The following ENPP7 variants were observed in gnomAD, a reference collection of about 807,000 sequenced individuals.
ENPP7 encodes ectonucleotide pyrophosphatase/phosphodiesterase 7, also known as ectonucleotide pyrophosphatase/phosphodiesterase family member 7.
A neutral mutation model predicts 33.6 loss-of-function variants in ENPP7; 39 were observed. That is an observed-to-expected ratio of 1.16 (90% CI 0.90 to 1.52). ENPP7 has a LOEUF of 1.52. Among genes scored for constraint, ENPP7 ranks in the 40% most tolerant of loss-of-function variants. The probability of loss-of-function intolerance (pLI) is 0.00; values close to 1 mark genes in which losing one functional copy is unlikely to be tolerated. For synonymous variants in ENPP7, 244 were observed against 274.3 expected (o/e 0.89, Z 1.09); for missense variants, 594 against 641.0 (o/e 0.93, Z 0.79).
At chr17:79,732,720 G>A (rs1555822800) in intron 1 of ENPP7, among the ~76,000 whole-genome samples, 3 of 152,096 alleles carry the variant, frequency 2.0e-5, no homozygotes, top group Non-Finnish European at 2.9e-5. Flanking sequence ...GCTGAATTTC[G>A]GGTCCACACT....
Position 79,737,332 on chromosome 17 carries a change from C to A in ENPP7, c.1246+72C>A. On this transcript the variant is annotated intron_variant, in intron 4 of 5. Coordinates refer to ENST00000328313, the MANE Select transcript of ENPP7 (RefSeq NM_178543.5). This position sits in a 1 kb window ranked among gnomAD's most constrained non-coding sequence, Gnocchi z 5.5. ...GTGTGCACACGAGGGTGCCTGCATG[C>A]CTGTGACCAGGACACCCTTGAGCCC... is the stretch of plus-strand genomic sequence containing the variant. The A allele has an allele frequency of 7.5e-7, 1 of 1,328,946 alleles. No homozygotes were observed. Among genetic ancestry groups the A allele is most frequent in the Non-Finnish European group, 1.0e-6 (1 of 962,500 alleles). The allele number at this position is 1,328,946 out of a possible 1,614,324, so 82.3% of individuals were successfully genotyped here. A position where few individuals can be genotyped will look rare whatever the true frequency, so the allele number is the denominator to read the frequency against.
intron 2 of ENPP7, 65 bp from the exon 3 acceptor site, chr17:79,734,978 C>T: frequency 6.5e-7 from 1 of 1,545,688 alleles, no homozygotes; most frequent in Non-Finnish European, 8.8e-7. Flanking sequence ...CAAATGTGTT[C>T]ACAGGCATGA....
At position 79,736,576 on chromosome 17, in the gene ENPP7, C is replaced by T. The variant is rs573702844; in HGVS notation, c.1027-465C>T. On this transcript the variant is annotated intron_variant, in intron 3 of 5. Coordinates refer to ENST00000328313, the MANE Select transcript of ENPP7 (RefSeq NM_178543.5). ...GTGTGTGTGTGTGTGTGTGTGTGTGCGTCCTACGTGTCCAGGGTAAAGTGT... is the reference window on the plus strand; with the variant it reads ...GTGTGTGTGTGTGTGTGTGTGTGTGTGTCCTACGTGTCCAGGGTAAAGTGT... Among the ~76,000 whole-genome samples the T allele has an allele frequency of 1.8e-4, 24 of 133,538 alleles. No individual in the cohort carries two copies. In the South Asian group the frequency reaches 3.4e-3, roughly 19 times the overall value. The allele number at this position is 133,538 out of a possible 152,430, so 87.6% of individuals were successfully genotyped here.
intron 2 of ENPP7, 135 bp from the exon 3 acceptor site, chr17:79,734,908 C>T (rs1378039038): frequency 1.5e-5 from 13 of 886,970 alleles, no homozygotes; most frequent in Non-Finnish European, 2.2e-5. Flanking sequence ...TTAAAGGCCC[C>T]GCAGCTGCAG....
chr17:79,733,672 A>C lies in ENPP7; in HGVS notation c.399+19A>C. 1.3e-6 allele frequency: 2 copies of C among 1,598,638 alleles called. No individual in the cohort carries two copies. The highest frequency in any genetic ancestry group is 1.7e-6 in the Non-Finnish European group (2 of 1,173,680). On this transcript the variant is annotated intron_variant, in intron 2 of 5. Transcript: ENST00000328313. The stretch of plus-strand genomic sequence containing the variant: ...GAGGCAGGTAATGTCACCCCCGCCC[A>C]TACTGACATCGCAGAGCACGGGGGC...
intron 2 of ENPP7, among the ~76,000 whole-genome samples, chr17:79,734,583 T>C (rs1555823120): frequency 6.6e-6 from 1 of 151,816 alleles, no homozygotes; most frequent in Non-Finnish European, 1.5e-5. Context: ...GTTTACACTA[T>C]TCTCCTGCCT....
In ENPP7 at chr17:79,738,297, G is replaced by A. The variant is rs369362661; in HGVS notation, c.*16+235G>A. On this transcript the variant is annotated intron_variant, in intron 5 of 5. Coordinates refer to ENST00000328313, the MANE Select transcript of ENPP7 (RefSeq NM_178543.5). The surrounding 1 kb of genome is among the most constrained non-coding windows in gnomAD (Gnocchi z 6.2). ...GAGGTCTTTCCAGAGCAGACCACCC[G>A]GACCAGTGGCCAGAATTCCCACCCT... is the stretch of plus-strand genomic sequence containing the variant. The A allele has an allele frequency of 6.4e-5, 30 of 465,140 alleles. No homozygotes were observed. The highest frequency in any genetic ancestry group is 3.2e-4 in the East Asian group (9 of 28,366). 28.8% of individuals were successfully genotyped at this position (465,140 alleles called of 1,614,324 possible).
At position 79,735,625 on chromosome 17, in the gene ENPP7, A is replaced by G. The variant is rs1004872537; in HGVS notation, c.982A>G (p.Thr328Ala). The G allele has an allele frequency of 1.9e-6, 3 of 1,613,242 alleles. No individual in the cohort carries two copies. Among genetic ancestry groups the G allele is most frequent in the Non-Finnish European group, 2.5e-6 (3 of 1,179,854 alleles). The change falls in exon 3 of 6, where the codon ACA (threonine) becomes GCA (alanine). Residue 328 changes from threonine (T) to alanine (A), a missense_variant. Physicochemically the swap from Thr to Ala is moderately conservative, Grantham distance 58. This residue lies in a region of ENPP7 where 504 missense variants were observed against 512.8 expected (regional missense o/e 0.98). Coordinates refer to ENST00000328313, the MANE Select transcript of ENPP7 (RefSeq NM_178543.5). The surrounding 1 kb of genome is among the most constrained non-coding windows in gnomAD (Gnocchi z 5.5). ...AFHYANNPRV[T>A]PLLMYSDLGY... ...CCACTACGCCAACAACCCCAGGGTC[A>G]CACCCCTGCTGATGTACAGCGACCT...
chr17:79,740,066 G>A (rs572250579), intron 5 of ENPP7, among the ~76,000 whole-genome samples: 6 of 152,178 alleles, frequency 3.9e-5, no homozygotes, highest in South Asian at 2.1e-4. Flanking sequence ...ATGGTGGTGC[G>A]TGCCTGTAAT....
chr17:79,736,990 G>C (rs782237074), intron 3 of ENPP7, 51 bp from the exon 4 acceptor site: 2 of 1,522,546 alleles, frequency 1.3e-6, no homozygotes, highest in African/African-American at 1.4e-5. Flanking sequence ...TAGGCGGAGA[G>C]GGTCTGTTGC....
intron 5 of ENPP7, among the ~76,000 whole-genome samples, chr17:79,740,868 A>G (rs1472884948): frequency 1.3e-5 from 2 of 152,176 alleles, no homozygotes; most frequent in African/African-American, 4.8e-5. Context: ...CATCTTTCAC[A>G]AGCAGCATCT....
At chr17:79,732,138 A>ATATATATACACATATATATATGTG (rs2094287405) in intron 1 of ENPP7, among the ~76,000 whole-genome samples, 1 of 48,962 alleles carries the variant, frequency 2.0e-5, no homozygotes, top group Non-Finnish European at 3.6e-5. Context: ...ATATGTATAT[A>ATATATATACACATATATATATGTG]TATATATATA....
chr17:79,740,937 A>G (rs1905478173), intron 5 of ENPP7, among the ~76,000 whole-genome samples: 1 of 152,200 alleles, frequency 6.6e-6, no homozygotes, highest in Non-Finnish European at 1.5e-5. Context: ...ACAGCCTGGT[A>G]AAGTCCATTT....
In ENPP7 at chr17:79,737,261, G is replaced by T; in HGVS notation, c.1246+1G>T. The T allele has an allele frequency of 4.4e-6, 7 of 1,595,476 alleles. No individual in the cohort carries two copies. The highest frequency in any genetic ancestry group is 6.0e-6 in the Non-Finnish European group (7 of 1,174,866). ...ACTCTGCTGCCCATGCTGCACACAG[G>T]TGAGGGCAGGGTGCCCCAAATCCCC... On this transcript the variant is annotated splice_donor_variant, in intron 4 of 5. Transcript: ENST00000328313. LOFTEE classifies it high-confidence loss of function. The surrounding 1 kb of genome is among the most constrained non-coding windows in gnomAD (Gnocchi z 5.5).
Position 79,735,174 on chromosome 17 carries a change from C to T in ENPP7, c.531C>T (p.Asp177=), listed in dbSNP as rs147676776. The T allele has an allele frequency of 6.4e-5, 104 of 1,613,332 alleles. No homozygotes were observed. The African/African-American group carries it at 1.2e-3, about 19-fold the overall frequency. Residue 177 remains aspartate (D), a synonymous_variant, in exon 3 of 6, where the codon GAC becomes GAT. Transcript: ENST00000328313. This position sits in a 1 kb window ranked among gnomAD's most constrained non-coding sequence, Gnocchi z 5.5. ...AGACGGAGTGGAGAGCGAACATCGACACAGTGATGGCGTGGTTCACAGAGG... is the reference window on the plus strand; with the variant it reads ...AGACGGAGTGGAGAGCGAACATCGATACAGTGATGGCGTGGTTCACAGAGG... The part of the protein sequence containing the change: ...KNETEWRANI[D]TVMAWFTEED...
chr17:79,734,972 T>A (rs2094292380), intron 2 of ENPP7, 71 bp from the exon 3 acceptor site: 1 of 1,518,570 alleles, frequency 6.6e-7, no homozygotes. Context: ...GGGGGACAAA[T>A]GTGTTCACAG....
At chr17:79,740,307 G>A (rs762210567) in intron 5 of ENPP7, among the ~76,000 whole-genome samples, 22 of 152,190 alleles carry the variant, frequency 1.4e-4, no homozygotes, top group Non-Finnish European at 2.9e-4. Flanking sequence ...ACATCCGGAA[G>A]GGGACCAGAG....
intron 1 of ENPP7, among the ~76,000 whole-genome samples, chr17:79,732,514 C>T (rs138023661): frequency 1.5e-3 from 235 of 152,226 alleles, no homozygotes; most frequent in African/African-American, 5.4e-3. Context: ...CAGGGCATTG[C>T]AGGGCTGCAC....
intron 3 of ENPP7, 104 bp from the exon 4 acceptor site, chr17:79,736,937 G>A (rs945377124): frequency 2.6e-5 from 23 of 888,448 alleles, no homozygotes; most frequent in African/African-American, 9.8e-5. Context: ...CAGCCCTCAC[G>A]TTGGTGCTCC....
Sources: allele counts gnomAD v4.1 joint callset (sites outside exome capture counted in the v4.1 genomes callset), GRCh38; gene constraint gnomAD v4.1.1; regional missense constraint gnomAD v4.1.1; non-coding constraint Gnocchi (gnomAD v3.1); transcripts MANE v1.5; gene names NCBI Gene and HGNC (gene_info 2026-07-23, HGNC 2026-07-21).